The following GKN2 variants were observed in gnomAD, a reference collection of about 807,000 sequenced individuals.
The protein encoded by GKN2 is gastrokine-2.
In GKN2, 17 loss-of-function variants were observed where a neutral mutation model predicts 22.7. The ratio of observed to expected loss-of-function variants is 0.75; its 90% CI spans 0.51 to 1.13. GKN2 has a LOEUF of 1.13. Among genes scored for constraint, GKN2 ranks in the 50% most tolerant of loss-of-function variants. The pLI is 0.00. For missense variants in GKN2, 248 were observed against 221.4 expected, an observed-to-expected ratio of 1.12 and a Z score of -0.76; for synonymous variants, 82 against 79.6, an observed-to-expected ratio of 1.03 and a Z score of -0.16.
At chr2:68,949,720 A>G (rs1401615444) in intron 3 of GKN2, among the ~76,000 whole-genome samples, 1 of 152,050 alleles carries the variant, frequency 6.6e-6, no homozygotes, top group Non-Finnish European at 1.5e-5. Context: ...GTGCCTGACC[A>G]ATTGTTCTTT....
In GKN2 at chr2:68,946,422, G is replaced by T. The variant is rs757084782; in HGVS notation, c.354C>A (p.Val118=). The change falls in exon 5 of 6, where the codon GTC becomes GTA. Residue 118 remains valine, a synonymous_variant. Coordinates refer to ENST00000328895, the MANE Select transcript of GKN2 (RefSeq NM_182536.3). ...DNMFSSKYTW[V]KYNPLESLIK... ...TCAGAGACTCCAGAGGGTTGTACTT[G>T]ACCCAGGTGTATTTGCTGGAGAACA... 4 of 1,612,654 alleles carry T rather than the reference G, an allele frequency of 2.5e-6. No homozygotes were observed. The highest frequency in any genetic ancestry group is 3.4e-6 in the Non-Finnish European group (4 of 1,179,502).
intron 5 of GKN2, chr2:68,945,891 T>C (rs1231545746): frequency 4.1e-6 from 1 of 242,254 alleles, no homozygotes; most frequent in African/African-American, 2.2e-5. Flanking sequence ...CTCTTTCCTA[T>C]ACCAATTCTA....
In GKN2 at chr2:68,945,443, G is replaced by A. The variant is rs556298042; in HGVS notation, c.480C>T (p.Val160=). 1.7e-5 allele frequency: 28 copies of A among 1,606,602 alleles called. No individual in the cohort carries two copies. Among genetic ancestry groups the A allele is most frequent in the Non-Finnish European group, 2.3e-5 (27 of 1,175,426 alleles). ...KGEVVENTHN[V]GAGGCAKAGL... is the part of the protein sequence containing the mutation. Reference sequence around the variant, plus strand: ...CAGCCTTTGCACAGCCTCCAGCACCGACATTATCTGGAAAAGGGAAAATTT... The same window carrying A: ...CAGCCTTTGCACAGCCTCCAGCACCAACATTATCTGGAAAAGGGAAAATTT... Residue 160 remains valine, a synonymous_variant, in exon 6 of 6, where the codon GTC becomes GTT. Transcript: ENST00000328895.
Position 68,951,640 on chromosome 2 carries a change from T to C in GKN2, c.13-885A>G, listed in dbSNP as rs996567492. On this transcript the variant is annotated intron_variant, in intron 1 of 5. Coordinates refer to ENST00000328895, the MANE Select transcript of GKN2 (RefSeq NM_182536.3). The stretch of plus-strand genomic sequence containing the variant: ...TCCATCCCACCCTTAATATTTCTCT[T>C]CTGGGGACTGGGAGTAGAGCATCTA... 3.9e-5 allele frequency among the ~76,000 whole-genome samples: 6 copies of C among 152,160 alleles called. No individual in the cohort carries two copies. The South Asian group carries it at 1.2e-3, about 32-fold the overall frequency.
chr2:68,947,260 G>T lies in GKN2; in HGVS notation c.205-3C>A. The T allele has an allele frequency of 6.3e-7, 1 of 1,576,876 alleles. No individual in the cohort carries two copies. On this transcript the variant is annotated splice_polypyrimidine_tract_variant and splice_region_variant and intron_variant, in intron 3 of 5. Coordinates refer to ENST00000328895, the MANE Select transcript of GKN2 (RefSeq NM_182536.3). ...AGCACCCTGGATGCAATGTAGCCCT[G>T]AGGCAGCAAGAGTACAGTTACTGTT...
In GKN2 at chr2:68,945,307, C is replaced by T. The variant is rs560625683; in HGVS notation, c.*61G>A. 55 of 1,234,496 alleles carry T rather than the reference C, an allele frequency of 4.5e-5. No homozygotes were observed. The African/African-American group carries it at 7.5e-4, about 17-fold the overall frequency. 76.5% of individuals were successfully genotyped at this position (1,234,496 alleles called of 1,614,324 possible). Reference sequence around the variant, plus strand: ...GGCATTGGGAAAGAATTTAATTTGACTTTTGAGTGTAAACCAAGGATGTAT... The same window carrying T: ...GGCATTGGGAAAGAATTTAATTTGATTTTTGAGTGTAAACCAAGGATGTAT... On this transcript the variant is annotated 3_prime_UTR_variant, in exon 6 of 6. Coordinates refer to ENST00000328895, the MANE Select transcript of GKN2 (RefSeq NM_182536.3).
intron 1 of GKN2, among the ~76,000 whole-genome samples, chr2:68,951,154 A>G (rs1669848740): frequency 6.6e-6 from 1 of 152,074 alleles, no homozygotes; most frequent in South Asian, 2.1e-4. Flanking sequence ...CTAAAAAAAT[A>G]ATTAATTAAT....
At chr2:68,951,152 ATAAT>A (rs779104924) in intron 1 of GKN2, among the ~76,000 whole-genome samples, 25 of 152,274 alleles carry the variant, frequency 1.6e-4, no homozygotes, top group African/African-American at 2.9e-4. Flanking sequence ...CTCTAAAAAA[ATAAT>A]TAATTAATTA....
At chr2:68,950,101 A>G in intron 3 of GKN2, 25 bp downstream of exon 3, 1 of 1,609,160 alleles carries the variant, frequency 6.2e-7, no homozygotes, top group Non-Finnish European at 8.5e-7. Flanking sequence ...GTCCTGATGA[A>G]TATGAAAATT....
chr2:68,948,243 CAA>C (rs765228049), intron 3 of GKN2, among the ~76,000 whole-genome samples: 2 of 37,974 alleles, frequency 5.3e-5, no homozygotes, highest in African/African-American at 1.5e-4. Flanking sequence ...GAGACTCCGT[CAA>C]AAAAAAAAAA....
chr2:68,947,518 T>G (rs1246798966), intron 3 of GKN2, among the ~76,000 whole-genome samples: 4 of 152,242 alleles, frequency 2.6e-5, no homozygotes, highest in East Asian at 1.9e-4. Context: ...AACCAGGGTC[T>G]GCAGTTTGAG....
intron 3 of GKN2, among the ~76,000 whole-genome samples, chr2:68,948,256 C>T (rs5022949): frequency 7.1e-6 from 1 of 141,520 alleles, no homozygotes; most frequent in Non-Finnish European, 1.5e-5. Flanking sequence ...AAAAAAAAAA[C>T]AAAAAAAAAA....
chr2:68,945,683 ACT>A (rs1669755249), intron 5 of GKN2: 1 of 373,100 alleles, frequency 2.7e-6, no homozygotes, highest in Admixed American at 3.7e-5. Flanking sequence ...ATAAACATAA[ACT>A]CTTCTTTATC....
rs1669878546 is a variant in GKN2 at position 68,952,875 on chromosome 2, G to A, written c.-14C>T. 1 of 1,613,908 alleles carries A rather than the reference G, an allele frequency of 6.2e-7. No individual in the cohort carries two copies. Among genetic ancestry groups the A allele is most frequent in the East Asian group, 2.2e-5 (1 of 44,862 alleles). ...AAGTATTTTCATTTTGCCTGGGAGA[G>A]GAAGGTGCTGGAGTAAGTAAAGCTG... On this transcript the variant is annotated 5_prime_UTR_variant, in exon 1 of 6. Coordinates refer to ENST00000328895, the MANE Select transcript of GKN2 (RefSeq NM_182536.3).
At position 68,951,959 on chromosome 2, in the gene GKN2, T is replaced by C. The variant is rs369618349; in HGVS notation, c.12+891A>G. Among the ~76,000 whole-genome samples, 3 of 152,338 alleles carry C rather than the reference T, an allele frequency of 2.0e-5. No individual in the cohort carries two copies. The East Asian group carries it at 5.8e-4, about 29-fold the overall frequency. On this transcript the variant is annotated intron_variant, in intron 1 of 5. Coordinates refer to ENST00000328895, the MANE Select transcript of GKN2 (RefSeq NM_182536.3). ...TCAATTTGGAAAATCAAGACAGCCCTGAGAGAGGGAGCTCTTTAAGCTGAT... is the reference window on the plus strand; with the variant it reads ...TCAATTTGGAAAATCAAGACAGCCCCGAGAGAGGGAGCTCTTTAAGCTGAT...
At position 68,946,803 on chromosome 2, in the gene GKN2, G is replaced by C. The variant is rs970085670; in HGVS notation, c.316-343C>G. 2.6e-5 allele frequency among the ~76,000 whole-genome samples: 4 copies of C among 151,876 alleles called. No individual in the cohort carries two copies. The East Asian group carries it at 7.7e-4, about 29-fold the overall frequency. On this transcript the variant is annotated intron_variant, in intron 4 of 5. Coordinates refer to ENST00000328895, the MANE Select transcript of GKN2 (RefSeq NM_182536.3). ...ACTGTATTATTTCTTTGCATCTTTG[G>C]GTCATTGAATATTAGAACTTCTCTT...
Position 68,950,712 on chromosome 2 carries a change from T to C in GKN2, c.56A>G (p.His19Arg). 6.2e-7 allele frequency: 1 copy of C among 1,611,730 alleles called. No individual in the cohort carries two copies. The highest frequency in any genetic ancestry group is 1.7e-5 in the Admixed American group (1 of 60,006). Residue 19 changes from histidine (H) to arginine (R), a missense_variant, in exon 2 of 6, where the codon CAT becomes CGT. His to Arg is a conservative substitution (Grantham distance 29). Transcript: ENST00000328895. ...AAGGAACCAACTCACCTCGTATCCA[T>C]GAGATTGTATCCCAAAGATGGTCAG... ...VVLTIFGIQS[H>R]GYEVFNIISP...
chr2:68,947,826 G>GT (rs1391300312), intron 3 of GKN2, among the ~76,000 whole-genome samples: 1 of 152,138 alleles, frequency 6.6e-6, no homozygotes, highest in African/African-American at 2.4e-5. Flanking sequence ...CTGATCTCAA[G>GT]TGATCCACCC....
intron 3 of GKN2, among the ~76,000 whole-genome samples, chr2:68,948,285 G>C (rs1313667101): frequency 6.7e-6 from 1 of 149,796 alleles, no homozygotes; most frequent in Non-Finnish European, 1.5e-5. Flanking sequence ...TGTCCAATAT[G>C]ATAGTTATTA....
Sources: gnomAD v4.1 joint callset for allele counts (sites outside exome capture counted in the v4.1 genomes callset) on GRCh38, gnomAD v4.1.1 for gene constraint, MANE v1.5 for transcripts, NCBI Gene and HGNC (gene_info 2026-07-23, HGNC 2026-07-21) for gene names.